The following KIF13B variants were observed in gnomAD, a reference collection of about 807,000 sequenced individuals.
The protein encoded by KIF13B is kinesin family member 13B, also known as kinesin-like protein KIF13B.
In KIF13B, 127 loss-of-function variants were observed where a neutral mutation model predicts 222.0. The ratio of observed to expected loss-of-function variants is 0.57; its 90% CI spans 0.50 to 0.66. The LOEUF (loss-of-function observed/expected upper bound fraction) is 0.66, where lower values mean the gene tolerates loss of function less well. Among genes scored for constraint, KIF13B ranks in the 30% least tolerant of loss-of-function variants. The pLI is 0.00. For missense variants in KIF13B, 2,173 were observed against 2,379.0 expected (o/e 0.91, Z 1.80); for synonymous variants, 976 against 919.0 (o/e 1.06, Z -1.12).
intron 35 of KIF13B, among the ~76,000 whole-genome samples, chr8:29,106,632 C>CAA (rs71222590): frequency 0.013 from 721 of 56,454 alleles, 104 homozygotes; most frequent in Admixed American, 0.013. Context: ...AACTCTGTCT[C>CAA]AAAAAAAAAA....
chr8:29,140,340 G>C (rs531177331), intron 20 of KIF13B, 128 bp downstream of exon 20: 43 of 1,380,370 alleles, frequency 3.1e-5, no homozygotes, highest in Non-Finnish European at 3.2e-5. Flanking sequence ...TCTACCCTAA[G>C]AGTCCTTGGA....
chr8:29,117,049 A>G, intron 30 of KIF13B, 42 bp from the exon 31 acceptor site: 1 of 1,502,204 alleles, frequency 6.7e-7, no homozygotes, highest in Non-Finnish European at 9.0e-7. Context: ...TCTCTTCTCC[A>G]GAAACATGAA....
In KIF13B at chr8:29,147,531, G is replaced by C; in HGVS notation, c.1885C>G (p.Gln629Glu). The C allele has an allele frequency of 6.2e-7, 1 of 1,613,728 alleles. No homozygotes were observed. Among genetic ancestry groups the C allele is most frequent in the Non-Finnish European group, 8.5e-7 (1 of 1,179,846 alleles). The change falls in exon 17 of 40, where the codon CAG (glutamine) becomes GAG (glutamate). Residue 629 changes from glutamine to glutamate, a missense_variant. Gln to Glu is a conservative substitution (Grantham distance 29). This residue lies in a region of KIF13B where 1,480 missense variants were observed against 1,722.8 expected (regional missense o/e 0.86). Transcript: ENST00000524189. ...AATTCGTGCTCATACATAAGCCTCT[G>C]GCGCTCCAGTGCAGATCGTTTTTCT... ...EEEKRSALER[Q>E]RLMYEHELEQ...
intron 10 of KIF13B, among the ~76,000 whole-genome samples, chr8:29,169,431 C>G (rs1374940066): frequency 1.3e-5 from 2 of 152,172 alleles, no homozygotes; most frequent in Non-Finnish European, 2.9e-5. Flanking sequence ...AAAGTTCAGG[C>G]CTGAAGATTA....
chr8:29,159,841 G>C (rs1324522443), intron 13 of KIF13B, among the ~76,000 whole-genome samples: 1 of 152,186 alleles, frequency 6.6e-6, no homozygotes, highest in Non-Finnish European at 1.5e-5. Context: ...AAATGACACA[G>C]AGTCACTGAC....
At chr8:29,120,412 G>A (rs1399260916) in intron 29 of KIF13B, among the ~76,000 whole-genome samples, 1 of 69,164 alleles carries the variant, frequency 1.4e-5, no homozygotes, top group East Asian at 3.9e-4. Flanking sequence ...TCCCACCTAT[G>A]AGTGAGAATA....
At chr8:29,128,932 C>G (rs1320153904) in intron 24 of KIF13B, among the ~76,000 whole-genome samples, 2 of 152,170 alleles carry the variant, frequency 1.3e-5, no homozygotes, top group South Asian at 4.1e-4. Flanking sequence ...CAAGGCCCTC[C>G]GAAACCAGCC....
At chr8:29,135,038 G>A (rs1158707226) in intron 21 of KIF13B, among the ~76,000 whole-genome samples, 2 of 152,054 alleles carry the variant, frequency 1.3e-5, no homozygotes, top group Admixed American at 6.6e-5. Context: ...TCTTTTGGTG[G>A]GCAGCATTAG....
At chr8:29,225,213 G>A (rs1316804417) in intron 2 of KIF13B, among the ~76,000 whole-genome samples, 1 of 152,232 alleles carries the variant, frequency 6.6e-6, no homozygotes, top group African/African-American at 2.4e-5. Flanking sequence ...TGGAGGACGG[G>A]AAGGCACAGA....
chr8:29,204,959 T>C (rs750494753), intron 2 of KIF13B, among the ~76,000 whole-genome samples: 2 of 152,190 alleles, frequency 1.3e-5, no homozygotes, highest in Middle Eastern at 3.2e-3. Flanking sequence ...GAATATGAAA[T>C]TAACTAATTT....
rs371429528 is a variant in KIF13B at position 29,146,560 on chromosome 8, C to T, written c.2025-20G>A. 1.6e-5 allele frequency: 26 copies of T among 1,605,422 alleles called. No individual in the cohort carries two copies. The highest frequency in any genetic ancestry group is 6.7e-5 in the South Asian group (6 of 90,174). ...GCTTCTCTAAAAAAAAATAAAGAAG[C>T]GGCAGAGGTAGGGAAGAGATTAACA... On this transcript the variant is annotated intron_variant, in intron 17 of 39. Transcript: ENST00000524189.
At chr8:29,074,113 G>C (rs570385828) in intron 38 of KIF13B, among the ~76,000 whole-genome samples, 25 of 152,308 alleles carry the variant, frequency 1.6e-4, no homozygotes, top group African/African-American at 5.8e-4. Flanking sequence ...CCCACCCCGG[G>C]TAAGGCCAGC....
intron 2 of KIF13B, among the ~76,000 whole-genome samples, chr8:29,209,291 G>A (rs1200389613): frequency 6.6e-6 from 1 of 152,164 alleles, no homozygotes; most frequent in Non-Finnish European, 1.5e-5. Flanking sequence ...GGCTCATGGA[G>A]GGCGAGAAGG....
intron 37 of KIF13B, among the ~76,000 whole-genome samples, chr8:29,086,054 T>C (rs562788188): frequency 6.6e-6 from 1 of 152,264 alleles, no homozygotes; most frequent in African/African-American, 2.4e-5. Context: ...TAGTCATTGT[T>C]TGGTGAAGCC....
rs765466940 is a variant in KIF13B, at chr8:29,250,060, A to G, written c.56-4621T>C. On this transcript the variant is annotated intron_variant, in intron 1 of 39. Transcript: ENST00000524189. ...GCTTAATGGAATCTGACCATATTGT[A>G]TCAGCTGGCTCCTTACAGTCAAATC... is the stretch of plus-strand genomic sequence containing the variant. The G allele has an allele frequency of 3.9e-6, 5 of 1,288,682 alleles. No individual in the cohort carries two copies. In the South Asian group the frequency reaches 6.2e-5, roughly 16 times the overall value. 79.8% of individuals were successfully genotyped at this position (1,288,682 alleles called of 1,614,324 possible).
chr8:29,109,972 G>A lies in KIF13B; in HGVS notation c.4029C>T (p.Tyr1343=), dbSNP rs370152674. The A allele has an allele frequency of 6.9e-5, 112 of 1,612,826 alleles. 1 individual carries two copies. Among genetic ancestry groups the A allele is most frequent in the Non-Finnish European group, 9.4e-5 (111 of 1,179,522 alleles). Residue 1343 remains tyrosine, a synonymous_variant, in exon 33 of 40, where the codon TAC becomes TAT. Transcript: ENST00000524189. ...SADSEAYIEK[Y]LRSVLAVENL... ...TTTCTACAGCCAGCACGCTCCTGAGGTACTTTTCAATATAAGCCTCCGAGT... is the reference window on the plus strand; with the variant it reads ...TTTCTACAGCCAGCACGCTCCTGAGATACTTTTCAATATAAGCCTCCGAGT...
Position 29,180,118 on chromosome 8 carries a change from C to A in KIF13B, c.706G>T (p.Asp236Tyr), listed in dbSNP as rs761192518. ...FKITLTHTLY[D>Y]VKSGTSGEKV... is the part of the protein sequence containing the mutation. ...TGAACACCTACCCCAGACTTCACAT[C>A]GTAGAGAGTATGTGTGAGGGTGATT... is the stretch of plus-strand genomic sequence containing the variant. Residue 236 changes from aspartate (D) to tyrosine (Y), a missense_variant, in exon 8 of 40, where the codon GAT (aspartate) becomes TAT (tyrosine). By Grantham distance (160) the Asp-to-Tyr change is radical. Coordinates refer to ENST00000524189, the MANE Select transcript of KIF13B (RefSeq NM_015254.4). The A allele has an allele frequency of 4.3e-6, 7 of 1,613,934 alleles. No homozygotes were observed. In the East Asian group the frequency reaches 1.1e-4, roughly 26 times the overall value.
intron 31 of KIF13B, among the ~76,000 whole-genome samples, chr8:29,114,207 A>G (rs1280461428): frequency 6.6e-6 from 1 of 152,218 alleles, no homozygotes; most frequent in Non-Finnish European, 1.5e-5. Context: ...GGTAAAGGGG[A>G]GAGCACATGA....
intron 2 of KIF13B, among the ~76,000 whole-genome samples, chr8:29,220,876 C>T (rs1814711073): frequency 6.6e-6 from 1 of 152,028 alleles, no homozygotes; most frequent in African/African-American, 2.4e-5. Context: ...TTTGGGAGGC[C>T]AAGACAAGTG....
Sources: allele counts gnomAD v4.1 joint callset (sites outside exome capture counted in the v4.1 genomes callset), GRCh38; gene constraint gnomAD v4.1.1; regional missense constraint gnomAD v4.1.1; transcripts MANE v1.5; gene names NCBI Gene and HGNC (gene_info 2026-07-23, HGNC 2026-07-21).